Variants in L3MBTL4 observed in about 807,000 individuals in gnomAD.
The protein encoded by L3MBTL4 is lethal(3)malignant brain tumor-like protein 4.
Under a neutral mutation model 84.5 loss-of-function variants are expected in L3MBTL4, and 70 were observed. That is an observed-to-expected ratio of 0.83 (90% CI 0.68 to 1.01). The LOEUF (loss-of-function observed/expected upper bound fraction) is 1.01. Among genes scored for constraint, L3MBTL4 ranks in the 50% least tolerant of loss-of-function variants. The probability of loss-of-function intolerance (pLI) is 0.00; values close to 1 mark genes in which losing one functional copy is unlikely to be tolerated. For missense variants in L3MBTL4, 715 were observed against 754.8 expected (o/e 0.95, Z 0.62); for synonymous variants, 274 against 259.8 (o/e 1.05, Z -0.52).
chr18:6,080,457 T>G (rs2058037454), intron 16 of L3MBTL4, among the ~76,000 whole-genome samples: 1 of 152,218 alleles, frequency 6.6e-6, no homozygotes, highest in African/African-American at 2.4e-5. Context: ...CTCTGATGGT[T>G]TAATTTTTTG....
At chr18:6,017,241 T>C (rs1261649983) in intron 16 of L3MBTL4, among the ~76,000 whole-genome samples, 2 of 152,184 alleles carry the variant, frequency 1.3e-5, no homozygotes, top group Non-Finnish European at 2.9e-5. Context: ...ACATGCAAAA[T>C]GGATTTAAAT....
At chr18:6,126,164 T>C (rs1174566848) in intron 14 of L3MBTL4, among the ~76,000 whole-genome samples, 1 of 152,222 alleles carries the variant, frequency 6.6e-6, no homozygotes, top group East Asian at 1.9e-4. Context: ...ATTAAAGGCA[T>C]ATAACTTAGT....
chr18:6,277,602 G>A (rs1568425512), intron 4 of L3MBTL4, among the ~76,000 whole-genome samples: 1 of 152,162 alleles, frequency 6.6e-6, no homozygotes. Context: ...AAATATTAAT[G>A]TGGGAGAGCT....
intron 16 of L3MBTL4, among the ~76,000 whole-genome samples, chr18:6,017,381 A>T (rs901685873): frequency 7.9e-5 from 12 of 152,240 alleles, no homozygotes; most frequent in Admixed American, 7.2e-4. Flanking sequence ...TCCTCTTGAC[A>T]CTGACGCTGA....
intron 4 of L3MBTL4, among the ~76,000 whole-genome samples, chr18:6,281,056 A>T (rs1335813287): frequency 6.6e-6 from 1 of 152,208 alleles, no homozygotes; most frequent in Non-Finnish European, 1.5e-5. Flanking sequence ...TACAGAATGT[A>T]CATCAGGAAT....
intron 4 of L3MBTL4, among the ~76,000 whole-genome samples, chr18:6,287,219 T>C (rs76486784): frequency 0.046 from 7,055 of 152,190 alleles, 489 homozygotes; most frequent in African/African-American, 0.15. Flanking sequence ...ATAGCATGCT[T>C]AAACATTATA....
chr18:6,018,934 A>C (rs534472710), intron 16 of L3MBTL4, among the ~76,000 whole-genome samples: 1 of 152,362 alleles, frequency 6.6e-6, no homozygotes, highest in East Asian at 1.9e-4. Context: ...ACTTGTTGGC[A>C]TCCTGAAAGT....
chr18:6,124,133 T>C (rs1246506084), intron 14 of L3MBTL4, among the ~76,000 whole-genome samples: 1 of 152,114 alleles, frequency 6.6e-6, no homozygotes, highest in African/African-American at 2.4e-5. Flanking sequence ...ATTTAGAACA[T>C]TCATTCAAGT....
intron 16 of L3MBTL4, among the ~76,000 whole-genome samples, chr18:5,974,102 G>C (rs1273944183): frequency 6.6e-6 from 1 of 152,148 alleles, no homozygotes; most frequent in Admixed American, 6.5e-5. Context: ...AATGTCAGTG[G>C]TTTGTCATTG....
intron 16 of L3MBTL4, among the ~76,000 whole-genome samples, chr18:6,001,978 C>A (rs990639277): frequency 6.6e-6 from 1 of 152,038 alleles, no homozygotes; most frequent in African/African-American, 2.4e-5. Context: ...TCAAGAAGAC[C>A]CACAATGAGA....
In L3MBTL4 at chr18:6,169,744, G is replaced by C. The variant is rs191031423; in HGVS notation, c.1096+2084C>G. ...CCTAATGCTAAATGGCGAGTTAATG[G>C]GTGCAGCACACCAACATGGCACATG... is the stretch of plus-strand genomic sequence containing the variant. On this transcript the variant is annotated intron_variant, in intron 13 of 18. Coordinates refer to ENST00000317931, the MANE Select transcript of L3MBTL4 (RefSeq NM_001330559.2). Among the ~76,000 whole-genome samples, 1,236 of 151,458 alleles carry C rather than the reference G, an allele frequency of 8.2e-3. 20 individuals carry two copies. The highest frequency in any genetic ancestry group is 0.029 in the African/African-American group (1,187 of 41,210).
intron 1 of L3MBTL4, chr18:6,326,521 T>G (rs1045638382): frequency 9.2e-5 from 14 of 152,230 alleles, no homozygotes; most frequent in African/African-American, 3.4e-4. Flanking sequence ...ATCTTCTTCC[T>G]GCACTCTTGG....
intron 14 of L3MBTL4, among the ~76,000 whole-genome samples, chr18:6,124,210 G>A (rs1195892640): frequency 2.0e-5 from 3 of 152,090 alleles, no homozygotes; most frequent in Admixed American, 6.5e-5. Context: ...ATGGAGTCAC[G>A]AGGGATAGAT....
chr18:6,103,488 G>A (rs188243389), intron 14 of L3MBTL4, among the ~76,000 whole-genome samples: 5 of 152,270 alleles, frequency 3.3e-5, no homozygotes, highest in Admixed American at 2.6e-4. Context: ...TGTCACAGGA[G>A]TGAAAGCATT....
intron 1 of L3MBTL4, among the ~76,000 whole-genome samples, chr18:6,362,675 C>T (rs575940143): frequency 3.3e-5 from 5 of 152,342 alleles, no homozygotes; most frequent in South Asian, 4.1e-4. Flanking sequence ...TTAAAATGTG[C>T]ACTTTTTCCA....
chr18:6,002,779 G>A (rs73376005), intron 16 of L3MBTL4, among the ~76,000 whole-genome samples: 1 of 151,568 alleles, frequency 6.6e-6, no homozygotes, highest in Non-Finnish European at 1.5e-5. Context: ...GAAAATGAAG[G>A]CTAGAAATCC....
Position 6,068,350 on chromosome 18 carries a change from G to A in L3MBTL4, c.1444+12531C>T, listed in dbSNP as rs117729275. Among the ~76,000 whole-genome samples the A allele has an allele frequency of 2.7e-4, 41 of 152,302 alleles. No individual in the cohort carries two copies. The East Asian group carries it at 7.1e-3, about 26-fold the overall frequency. On this transcript the variant is annotated intron_variant, in intron 16 of 18. Coordinates refer to ENST00000317931, the MANE Select transcript of L3MBTL4 (RefSeq NM_001330559.2). ...AAAGAGATGCATAGATATATCTAATGGTGGGCAGAGGTCCCAGCCTTGATG... is the reference window on the plus strand; with the variant it reads ...AAAGAGATGCATAGATATATCTAATAGTGGGCAGAGGTCCCAGCCTTGATG...
intron 14 of L3MBTL4, among the ~76,000 whole-genome samples, chr18:6,097,781 G>A (rs1464381394): frequency 3.3e-5 from 5 of 152,274 alleles, no homozygotes; most frequent in African/African-American, 1.2e-4. Flanking sequence ...CTTGCCCTCT[G>A]CTTTGACTAG....
At chr18:6,165,651 G>A (rs1479110149) in intron 13 of L3MBTL4, among the ~76,000 whole-genome samples, 2 of 151,936 alleles carry the variant, frequency 1.3e-5, no homozygotes, top group African/African-American at 4.8e-5. Context: ...GTCACCACCA[G>A]GCCTGCCCTA....
Sources: gnomAD v4.1 joint callset for allele counts (sites outside exome capture counted in the v4.1 genomes callset) on GRCh38, gnomAD v4.1.1 for gene constraint, MANE v1.5 for transcripts, NCBI Gene and HGNC (gene_info 2026-07-23, HGNC 2026-07-21) for gene names.